Variants in CNTNAP2 observed in about 807,000 individuals in gnomAD.
CNTNAP2 encodes contactin-associated protein-like 2.
A neutral mutation model predicts 155.2 loss-of-function variants in CNTNAP2; 98 were observed. The ratio of observed to expected loss-of-function variants is 0.63; its 90% CI spans 0.54 to 0.75. The LOEUF (loss-of-function observed/expected upper bound fraction) is 0.75, where lower values mean the gene tolerates loss of function less well. Among genes scored for constraint, CNTNAP2 ranks in the 30% least tolerant of loss-of-function variants. The probability of loss-of-function intolerance (pLI) is 0.00; values close to 1 mark genes in which losing one functional copy is unlikely to be tolerated. For missense variants in CNTNAP2, 1,727 were observed against 1,688.1 expected (o/e 1.02, Z -0.40); for synonymous variants, 651 against 631.2 (o/e 1.03, Z -0.47).
chr7:147,302,024 A>G (rs957426823), intron 9 of CNTNAP2, among the ~76,000 whole-genome samples: 4 of 152,212 alleles, frequency 2.6e-5, no homozygotes, highest in African/African-American at 9.6e-5. Context: ...ATGATTTTTA[A>G]AAGACTCTCA....
At chr7:147,936,827 C>T (rs926149340) in intron 14 of CNTNAP2, among the ~76,000 whole-genome samples, 1 of 152,144 alleles carries the variant, frequency 6.6e-6, no homozygotes, top group African/African-American at 2.4e-5. Context: ...ATCCTGTTAC[C>T]GTCTCTTTGT....
At chr7:147,588,382 G>A (rs2116839530) in intron 12 of CNTNAP2, among the ~76,000 whole-genome samples, 1 of 152,088 alleles carries the variant, frequency 6.6e-6, no homozygotes, top group South Asian at 2.1e-4. Context: ...TTCAAAAGAG[G>A]TTCACTACTT....
At chr7:146,638,777 G>A (rs932623903) in intron 1 of CNTNAP2, among the ~76,000 whole-genome samples, 26 of 151,852 alleles carry the variant, frequency 1.7e-4, no homozygotes, top group Non-Finnish European at 3.4e-4. Flanking sequence ...GAGCCACCGC[G>A]CCCGGCCAGG....
At position 147,654,739 on chromosome 7, in the gene CNTNAP2, A is replaced by G. The variant is rs572388622; in HGVS notation, c.2098+15433A>G. ...GGCAAATCCTTACCAGGAGGTTTTC[A>G]ATGTAGTTTACTCAGATCCATCAAA... On this transcript the variant is annotated intron_variant, in intron 13 of 23. Transcript: ENST00000361727. Among the ~76,000 whole-genome samples, 757 of 151,746 alleles carry G rather than the reference A, an allele frequency of 5.0e-3. 3 individuals are homozygous for G. Among genetic ancestry groups the G allele is most frequent in the Non-Finnish European group, 9.5e-3 (647 of 67,950 alleles).
intron 2 of CNTNAP2, among the ~76,000 whole-genome samples, chr7:146,800,558 G>A (rs73459310): frequency 6.6e-6 from 1 of 152,140 alleles, no homozygotes; most frequent in Admixed American, 6.5e-5. Context: ...AAATATGCAG[G>A]TTGTTCAAAG....
At chr7:147,199,681 A>G (rs1261590148) in intron 8 of CNTNAP2, among the ~76,000 whole-genome samples, 1 of 151,440 alleles carries the variant, frequency 6.6e-6, no homozygotes, top group East Asian at 1.9e-4. Context: ...GAGATTGTGG[A>G]TGAATATTGA....
At chr7:146,871,723 A>T (rs150850454) in intron 3 of CNTNAP2, among the ~76,000 whole-genome samples, 2 of 152,216 alleles carry the variant, frequency 1.3e-5, no homozygotes, top group African/African-American at 4.8e-5. Context: ...AGATAGTGAC[A>T]TGGATGTATT....
At chr7:147,728,359 G>A (rs927049528) in intron 13 of CNTNAP2, among the ~76,000 whole-genome samples, 52 of 152,086 alleles carry the variant, frequency 3.4e-4, no homozygotes, top group African/African-American at 1.2e-3. Flanking sequence ...AACTAGCAAG[G>A]AAATGTGTGT....
At chr7:147,220,641 T>G (rs940208301) in intron 8 of CNTNAP2, among the ~76,000 whole-genome samples, 1 of 152,210 alleles carries the variant, frequency 6.6e-6, no homozygotes, top group Non-Finnish European at 1.5e-5. Context: ...TTTTCTGCCT[T>G]TTGTAGTTTC....
intron 1 of CNTNAP2, among the ~76,000 whole-genome samples, chr7:146,251,824 A>G (rs1043422371): frequency 1.3e-5 from 2 of 152,230 alleles, no homozygotes; most frequent in African/African-American, 4.8e-5. Context: ...GAGAAAGGAC[A>G]TATTCTGATA....
intron 21 of CNTNAP2, among the ~76,000 whole-genome samples, chr7:148,311,621 G>C (rs993020007): frequency 6.6e-6 from 1 of 152,108 alleles, no homozygotes; most frequent in African/African-American, 2.4e-5. Flanking sequence ...AAGGGAGGGG[G>C]CCTGAATAAT....
chr7:146,455,985 A>G (rs1796548890), intron 1 of CNTNAP2, among the ~76,000 whole-genome samples: 1 of 152,206 alleles, frequency 6.6e-6, no homozygotes. Flanking sequence ...GCTATAAACC[A>G]TGAATTGATA....
intron 13 of CNTNAP2, among the ~76,000 whole-genome samples, chr7:147,821,560 T>A (rs1480057647): frequency 1.3e-5 from 2 of 152,106 alleles, no homozygotes; most frequent in African/African-American, 2.4e-5. Flanking sequence ...GCAAGATGAA[T>A]GTGAAATGGA....
intron 1 of CNTNAP2, among the ~76,000 whole-genome samples, chr7:146,705,093 C>T (rs1435571214): frequency 6.6e-6 from 1 of 152,118 alleles, no homozygotes; most frequent in African/African-American, 2.4e-5. Context: ...TAATGATTTT[C>T]AGATGCTCAG....
intron 1 of CNTNAP2, among the ~76,000 whole-genome samples, chr7:146,415,662 A>C (rs1027705153): frequency 6.6e-6 from 1 of 152,068 alleles, no homozygotes; most frequent in African/African-American, 2.4e-5. Flanking sequence ...AATCATAGGA[A>C]AATCTCTACA....
chr7:146,540,295 C>T (rs1336694051), intron 1 of CNTNAP2, among the ~76,000 whole-genome samples: 1 of 152,144 alleles, frequency 6.6e-6, no homozygotes, highest in South Asian at 2.1e-4. Flanking sequence ...GTTTACCTAT[C>T]TTGTGAAGTT....
At chr7:146,541,383 C>T (rs1797950981) in intron 1 of CNTNAP2, among the ~76,000 whole-genome samples, 2 of 152,016 alleles carry the variant, frequency 1.3e-5, no homozygotes, top group Admixed American at 1.3e-4. Context: ...GGATTTAACA[C>T]TCTAAGATAA....
chr7:146,302,114 C>A (rs888154104), intron 1 of CNTNAP2, among the ~76,000 whole-genome samples: 1 of 152,016 alleles, frequency 6.6e-6, no homozygotes, highest in Admixed American at 6.6e-5. Context: ...AATATAATGA[C>A]ATAGTGATAG....
intron 21 of CNTNAP2, among the ~76,000 whole-genome samples, chr7:148,342,012 A>G (rs1451065318): frequency 1.3e-5 from 2 of 152,230 alleles, no homozygotes; most frequent in African/African-American, 2.4e-5. Flanking sequence ...GCAGAGGCTT[A>G]GCCAACGCAT....
Sources: gnomAD v4.1 joint callset for allele counts (sites outside exome capture counted in the v4.1 genomes callset) on GRCh38, gnomAD v4.1.1 for gene constraint, MANE v1.5 for transcripts, NCBI Gene and HGNC (gene_info 2026-07-23, HGNC 2026-07-21) for gene names.